Variants in DLG1 observed in about 807,000 individuals in gnomAD.
DLG1 encodes the protein discs large MAGUK scaffold protein 1.
A neutral mutation model predicts 123.4 loss-of-function variants in DLG1; 42 were observed. The observed-to-expected ratio is 0.34, with a 90% CI of 0.27 to 0.44. The LOEUF (loss-of-function observed/expected upper bound fraction) is 0.44. DLG1 is among the 20% of genes least tolerant of loss of function. The pLI is 1.00. For missense variants in DLG1, 942 were observed against 1,082.6 expected (o/e 0.87, Z 1.82); for synonymous variants, 317 against 356.2 (o/e 0.89, Z 1.24).
At chr3:197,091,751 G>A (rs1757842719) in intron 14 of DLG1, among the ~76,000 whole-genome samples, 3 of 151,992 alleles carry the variant, frequency 2.0e-5, no homozygotes, top group Admixed American at 2.0e-4. Flanking sequence ...GCAGTTACAT[G>A]GTTATAAACA....
intron 18 of DLG1, among the ~76,000 whole-genome samples, chr3:197,072,355 C>T (rs1359243976): frequency 2.0e-5 from 3 of 151,978 alleles, no homozygotes; most frequent in Non-Finnish European, 4.4e-5. Flanking sequence ...AATTTACACT[C>T]CCATACATTT....
chr3:197,274,497 C>CGACAT (rs1183027273), intron 4 of DLG1, among the ~76,000 whole-genome samples: 1 of 149,792 alleles, frequency 6.7e-6, no homozygotes, highest in African/African-American at 2.4e-5. Flanking sequence ...AGATACAATA[C>CGACAT]GACACGACAC....
At chr3:197,176,290 T>G (rs1577542218) in intron 5 of DLG1, among the ~76,000 whole-genome samples, 1 of 152,222 alleles carries the variant, frequency 6.6e-6, no homozygotes, top group East Asian at 1.9e-4. Flanking sequence ...TAATGTACAT[T>G]TGTTACAATC....
intron 4 of DLG1, among the ~76,000 whole-genome samples, chr3:197,231,773 T>C (rs1743265710): frequency 1.3e-5 from 2 of 150,464 alleles, no homozygotes; most frequent in Admixed American, 1.3e-4. Flanking sequence ...CTCTGCCAAA[T>C]AAAATGTTGA....
At chr3:197,199,843 CTA>C (rs1366002244) in intron 4 of DLG1, among the ~76,000 whole-genome samples, 1 of 152,054 alleles carries the variant, frequency 6.6e-6, no homozygotes, top group Non-Finnish European at 1.5e-5. Context: ...TCTAACTTAC[CTA>C]ACACTTATAC....
At chr3:197,174,923 A>G (rs1300076469) in intron 5 of DLG1, among the ~76,000 whole-genome samples, 1 of 152,228 alleles carries the variant, frequency 6.6e-6, no homozygotes, top group Non-Finnish European at 1.5e-5. Context: ...TTCACATTTC[A>G]AAGCTGCTCC....
intron 4 of DLG1, among the ~76,000 whole-genome samples, chr3:197,264,739 T>C (rs1187401909): frequency 1.3e-5 from 2 of 152,114 alleles, no homozygotes; most frequent in African/African-American, 2.4e-5. Context: ...GTTCCAGATT[T>C]TGAATTTTCA....
At chr3:197,076,492 G>T in intron 18 of DLG1, 94 bp downstream of exon 18, 1 of 863,818 alleles carries the variant, frequency 1.2e-6, no homozygotes, top group Non-Finnish European at 1.8e-6. Flanking sequence ...ACCTGCTGCA[G>T]CTCTTGAAAC....
chr3:197,285,640 T>G (rs765714909), intron 3 of DLG1, among the ~76,000 whole-genome samples: 2 of 152,002 alleles, frequency 1.3e-5, no homozygotes, highest in Non-Finnish European at 1.5e-5. Context: ...AGATGGCAAG[T>G]GAGCATATAT....
At position 197,101,976 on chromosome 3, in the gene DLG1, C is replaced by T. The variant is rs145268302; in HGVS notation, c.1546+2927G>A. On this transcript the variant is annotated intron_variant, in intron 14 of 24. Coordinates refer to ENST00000667157, the MANE Select transcript of DLG1 (RefSeq NM_001366207.1). ...CTTGCTATGTTGCCCAGGCTGGTCT[C>T]GAACTCCTGGGCTCAAGTAATCCTC... Among the ~76,000 whole-genome samples, 24 of 152,146 alleles carry T rather than the reference C, an allele frequency of 1.6e-4. No individual in the cohort carries two copies. In the East Asian group the frequency reaches 3.1e-3, roughly 20 times the overall value.
intron 13 of DLG1, among the ~76,000 whole-genome samples, chr3:197,106,099 C>G (rs1011597330): frequency 2.6e-5 from 4 of 152,096 alleles, no homozygotes; most frequent in African/African-American, 7.2e-5. Context: ...CATTATGCAA[C>G]TAAATTTAAA....
Position 197,116,020 on chromosome 3 carries a change from T to A in DLG1, c.1350A>T (p.Gly450=). Residue 450 remains glycine, a synonymous_variant, in exon 13 of 25, where the codon GGA becomes GGT. Coordinates refer to ENST00000667157, the MANE Select transcript of DLG1 (RefSeq NM_001366207.1). ...STGLGFNIVG[G]EDGEGIFISF... Reference sequence around the variant, plus strand: ...AAATAAATATTCCTTCTCCATCTTCTCCTCCTACAATGTTGAAACCAAGGC... The same window carrying A: ...AAATAAATATTCCTTCTCCATCTTCACCTCCTACAATGTTGAAACCAAGGC... The A allele has an allele frequency of 6.2e-7, 1 of 1,613,576 alleles. No homozygotes were observed. Among genetic ancestry groups the A allele is most frequent in the African/African-American group, 1.3e-5 (1 of 74,978 alleles).
At chr3:197,214,107 G>C (rs544800207) in intron 4 of DLG1, among the ~76,000 whole-genome samples, 2 of 152,232 alleles carry the variant, frequency 1.3e-5, no homozygotes, top group East Asian at 3.9e-4. Context: ...TAAATCAGTA[G>C]GGGAATGATG....
intron 4 of DLG1, among the ~76,000 whole-genome samples, chr3:197,238,828 A>G (rs1001203561): frequency 1.1e-4 from 17 of 152,242 alleles, no homozygotes; most frequent in African/African-American, 3.9e-4. Flanking sequence ...GTATAAAGTG[A>G]AAGCAGTGCT....
At chr3:197,270,101 C>G (rs61693362) in intron 4 of DLG1, among the ~76,000 whole-genome samples, 1 of 152,054 alleles carries the variant, frequency 6.6e-6, no homozygotes, top group Non-Finnish European at 1.5e-5. Flanking sequence ...GAAAAAGCAA[C>G]CCCTAGGAAT....
intron 5 of DLG1, among the ~76,000 whole-genome samples, chr3:197,174,088 CA>C (rs970951862): frequency 2.6e-5 from 4 of 152,082 alleles, no homozygotes; most frequent in Non-Finnish European, 5.9e-5. Flanking sequence ...GTCTCAAAAA[CA>C]AAACAAAACA....
chr3:197,299,061 C>T (rs1352102945), upstream of DLG1: 1 of 152,438 alleles, frequency 6.6e-6, no homozygotes, highest in Non-Finnish European at 1.5e-5. Context: ...TCGCGCCCTC[C>T]GAAGCTGAGC....
rs1274142584 is a variant in DLG1 at position 197,140,256 on chromosome 3, T to C, written c.597A>G (p.Ser199=). Reference sequence around the variant, plus strand: ...CTCCTGCAATGCTGAAACCAAGCCCTGAATTTCCCTGAGGATAGAAGAAAA... The same window carrying C: ...CTCCTGCAATGCTGAAACCAAGCCCCGAATTTCCCTGAGGATAGAAGAAAA... ...YEEITLERGN[S]GLGFSIAGGT... The change falls in exon 8 of 25, where the codon TCA becomes TCG. Residue 199 remains serine (S), a synonymous_variant. Coordinates refer to ENST00000667157, the MANE Select transcript of DLG1 (RefSeq NM_001366207.1). The C allele has an allele frequency of 3.1e-6, 5 of 1,612,904 alleles. No individual in the cohort carries two copies. Among genetic ancestry groups the C allele is most frequent in the Non-Finnish European group, 4.2e-6 (5 of 1,179,452 alleles).
At chr3:197,101,424 C>T (rs979454436) in intron 14 of DLG1, among the ~76,000 whole-genome samples, 19 of 151,206 alleles carry the variant, frequency 1.3e-4, no homozygotes, top group Non-Finnish European at 2.4e-4. Context: ...CTCGCTCTGT[C>T]GCCCAGGCTG....
Sources: allele counts gnomAD v4.1 joint callset (sites outside exome capture counted in the v4.1 genomes callset), GRCh38; gene constraint gnomAD v4.1.1; transcripts MANE v1.5; gene names NCBI Gene and HGNC (gene_info 2026-07-23, HGNC 2026-07-21).